The following PRSS23 variants were observed in gnomAD, a reference collection of about 807,000 sequenced individuals.
PRSS23 encodes serine protease 23, also known as protease, serine 23.
A neutral mutation model predicts 34.7 loss-of-function variants in PRSS23; 25 were observed. The observed-to-expected ratio is 0.72, with a 90% CI of 0.53 to 1.01. The LOEUF (loss-of-function observed/expected upper bound fraction) is 1.01, where lower values mean the gene tolerates loss of function less well. PRSS23 is among the 50% of genes least tolerant of loss of function. PRSS23 has a pLI of 0.00. For synonymous variants in PRSS23, 176 were observed against 186.6 expected, an observed-to-expected ratio of 0.94 and a Z score of 0.46; for missense variants, 445 against 475.6, an observed-to-expected ratio of 0.94 and a Z score of 0.60.
chr11:86,928,572 G>A (rs1340035780), intron 2 of PRSS23, among the ~76,000 whole-genome samples: 3 of 146,722 alleles, frequency 2.0e-5, no homozygotes, highest in Non-Finnish European at 4.5e-5. Context: ...CTACTTGGGA[G>A]GCTGAGGCAG....
At chr11:86,824,372 A>C (rs987029524) in intron 2 of PRSS23, among the ~76,000 whole-genome samples, 1 of 149,108 alleles carries the variant, frequency 6.7e-6, no homozygotes, top group African/African-American at 2.4e-5. Context: ...AAATAAAATA[A>C]ATAAAATAAA....
intron 1 of PRSS23, among the ~76,000 whole-genome samples, chr11:86,822,171 T>C (rs144225071): frequency 3.3e-5 from 5 of 152,258 alleles, no homozygotes; most frequent in African/African-American, 1.2e-4. Context: ...ATGCAAGGCA[T>C]AGTAGGTAAA....
chr11:86,829,108 C>T (rs1056519287), intron 2 of PRSS23, among the ~76,000 whole-genome samples: 5 of 152,214 alleles, frequency 3.3e-5, no homozygotes, highest in African/African-American at 1.2e-4. Context: ...TGGTTCCATT[C>T]TCCCCGTCAC....
chr11:86,898,891 A>C (rs1948893310), intron 2 of PRSS23, among the ~76,000 whole-genome samples: 1 of 152,072 alleles, frequency 6.6e-6, no homozygotes, highest in Non-Finnish European at 1.5e-5. Flanking sequence ...CATCTATGTT[A>C]ATTTGTTTGT....
chr11:86,900,781 C>CTTTTTTTTTTTT (rs60869425), intron 2 of PRSS23, among the ~76,000 whole-genome samples: 1 of 94,020 alleles, frequency 1.1e-5, no homozygotes, highest in Non-Finnish European at 1.9e-5. Flanking sequence ...ATCTCTCTCT[C>CTTTTTTTTTTTT]TTTTTTTTTT....
At position 86,834,531 on chromosome 11, in the gene PRSS23, C is replaced by CTTTCCTTTCCTT. The variant is rs1565360489; in HGVS notation, c.206+10940_206+10951dup. ...TTTTCCTTTCCTTTCCTTTCCTTTCCTTTCCTTTCCTTTCCTTTCCTTTTT... is the reference window on the plus strand; with the variant it reads ...TTTTCCTTTCCTTTCCTTTCCTTTCCTTTCCTTTCCTTTTTCCTTTCCTTTCCTTTCCTTTTT... On this transcript the variant is annotated intron_variant, in intron 2 of 2. Transcript: ENST00000533902. 3.1e-4 allele frequency among the ~76,000 whole-genome samples: 43 copies of CTTTCCTTTCCTT among 138,978 alleles called. 1 individual carries two copies. The highest frequency in any genetic ancestry group is 1.1e-3 in the African/African-American group (41 of 36,842). The allele number at this position is 138,978 out of a possible 152,430, so 91.2% of individuals were successfully genotyped here.
At chr11:86,893,928 G>C (rs939611379) in intron 2 of PRSS23, among the ~76,000 whole-genome samples, 8 of 152,140 alleles carry the variant, frequency 5.3e-5, no homozygotes, top group Non-Finnish European at 8.8e-5. Context: ...TGTAAAACTG[G>C]CTTTTTCCAA....
At chr11:86,823,351 C>G (rs954641225) in intron 1 of PRSS23, 2 of 699,932 alleles carry the variant, frequency 2.9e-6, no homozygotes, top group Admixed American at 4.0e-5. Context: ...TTTGAACTTG[C>G]TGTCTCTGTG....
rs73520800 is a variant in PRSS23, at chr11:86,833,315, C to T, written c.206+9722C>T. 6.8e-4 allele frequency: 895 copies of T among 1,317,238 alleles called. 5 individuals are homozygous for T. The African/African-American group carries it at 9.5e-3, about 14-fold the overall frequency. 81.6% of individuals were successfully genotyped at this position (1,317,238 alleles called of 1,614,324 possible). A position where few individuals can be genotyped will look rare whatever the true frequency, so the allele number is the denominator to read the frequency against. On this transcript the variant is annotated intron_variant, in intron 2 of 2. Transcript: ENST00000533902. ...GTGTGGAGGTGGAAGTCAGAGCTGA[C>T]GGCCAGGATAATGAGCAGATTCTCC...
At chr11:86,796,597 C>T (rs1465046820), upstream of PRSS23, among the ~76,000 whole-genome samples, 2 of 145,398 alleles carry the variant, frequency 1.4e-5, no homozygotes, top group East Asian at 2.0e-4. Flanking sequence ...GCCGAGATCG[C>T]GCCACTGCAC....
chr11:86,834,913 G>A (rs1948393027), intron 2 of PRSS23, among the ~76,000 whole-genome samples: 1 of 152,188 alleles, frequency 6.6e-6, no homozygotes, highest in South Asian at 2.1e-4. Flanking sequence ...ACTGACCACT[G>A]CATACCCCGC....
chr11:86,893,415 G>A (rs1242634632), intron 2 of PRSS23, among the ~76,000 whole-genome samples: 1 of 152,134 alleles, frequency 6.6e-6, no homozygotes, highest in Non-Finnish European at 1.5e-5. Flanking sequence ...TATTAATGCT[G>A]GCTGTAAACC....
chr11:86,837,558 G>C (rs538676762), intron 2 of PRSS23: 25 of 152,326 alleles, frequency 1.6e-4, no homozygotes, highest in African/African-American at 5.5e-4. Flanking sequence ...CACAAGGTCA[G>C]GAGATCAAGA....
chr11:86,849,213 A>G (rs1008027565), intron 2 of PRSS23, among the ~76,000 whole-genome samples: 7 of 152,188 alleles, frequency 4.6e-5, no homozygotes, highest in Admixed American at 3.9e-4. Flanking sequence ...GACTGTCCTC[A>G]AAGTCCATTA....
At chr11:86,935,097 A>C (rs1343523794) in intron 2 of PRSS23, 1 of 152,284 alleles carries the variant, frequency 6.6e-6, no homozygotes, top group Non-Finnish European at 1.5e-5. Context: ...ATGGGTCCAC[A>C]CAGGGCCCCC....
At chr11:86,829,935 A>G (rs1161632699) in intron 2 of PRSS23, among the ~76,000 whole-genome samples, 1 of 152,206 alleles carries the variant, frequency 6.6e-6, no homozygotes, top group African/African-American at 2.4e-5. Flanking sequence ...CTCGGGTGTC[A>G]GGGGTCAGGG....
chr11:86,877,871 A>T, intron 2 of PRSS23, among the ~76,000 whole-genome samples: 1 of 144,200 alleles, frequency 6.9e-6, no homozygotes, highest in Non-Finnish European at 1.5e-5. Context: ...AAAAAAAAAG[A>T]GGTGGGGTGG....
At chr11:86,813,627 T>C (rs1948195467), downstream of PRSS23, among the ~76,000 whole-genome samples, 1 of 152,124 alleles carries the variant, frequency 6.6e-6, no homozygotes, top group East Asian at 1.9e-4. Flanking sequence ...TATTTTAAAA[T>C]CAGAAGAAGA....
At chr11:86,895,390 T>G (rs533751652) in intron 2 of PRSS23, among the ~76,000 whole-genome samples, 2 of 152,160 alleles carry the variant, frequency 1.3e-5, no homozygotes, top group East Asian at 3.9e-4. Context: ...ACACAATGTC[T>G]ATCATAAATT....
Sources: gnomAD v4.1 joint callset for allele counts (sites outside exome capture counted in the v4.1 genomes callset) on GRCh38, gnomAD v4.1.1 for gene constraint, MANE v1.5 for transcripts, NCBI Gene and HGNC (gene_info 2026-07-23, HGNC 2026-07-21) for gene names.